Variants in RBM6 observed in about 807,000 individuals in gnomAD.
RBM6 encodes RNA-binding protein 6.
RBM6 carries 23 observed loss-of-function variants against 140.4 expected under a neutral mutation model. The observed-to-expected ratio is 0.16, with a 90% CI of 0.12 to 0.23. The LOEUF (loss-of-function observed/expected upper bound fraction) is 0.23. Among genes scored for constraint, RBM6 ranks in the 10% least tolerant of loss-of-function variants. The probability of loss-of-function intolerance (pLI) is 1.00; values close to 1 mark genes in which losing one functional copy is unlikely to be tolerated. For missense variants in RBM6, 1,139 were observed against 1,386.7 expected (o/e 0.82, Z 2.84); for synonymous variants, 439 against 475.6 (o/e 0.92, Z 1.00).
At chr3:50,048,129 A>G (rs113583569) in intron 6 of RBM6, 116 bp from the exon 7 acceptor site, 7 of 1,486,108 alleles carry the variant, frequency 4.7e-6, no homozygotes, top group Non-Finnish European at 6.3e-6. Flanking sequence ...CAGTGAATTA[A>G]GCTCACTCTT....
chr3:50,043,511 C>G (rs2089044611), intron 6 of RBM6, among the ~76,000 whole-genome samples: 3 of 150,014 alleles, frequency 2.0e-5, no homozygotes, highest in Admixed American at 6.6e-5. Context: ...AGAGATCTAT[C>G]TCTCTTCTTT....
rs759710746 is a variant in RBM6 at position 49,968,556 on chromosome 3, G to A, written c.1131G>A (p.Glu377=). ...QDKSQLSGRE[E]QSSDAGLFKE... ...AGTCACAGCTTTCTGGACGTGAAGA[G>A]CAGAGTTCAGATGCTGGTCTGTTTA... is the stretch of plus-strand genomic sequence containing the variant. The change falls in exon 3 of 21, where the codon GAG becomes GAA. Residue 377 remains glutamate (E), a synonymous_variant. Coordinates refer to ENST00000266022, the MANE Select transcript of RBM6 (RefSeq NM_005777.3). 3.7e-6 allele frequency: 6 copies of A among 1,614,176 alleles called. No homozygotes were observed. Among genetic ancestry groups the A allele is most frequent in the South Asian group, 1.1e-5 (1 of 91,086 alleles).
intron 5 of RBM6, among the ~76,000 whole-genome samples, chr3:49,983,813 G>A (rs1317563651): frequency 6.6e-6 from 1 of 152,082 alleles, no homozygotes; most frequent in Non-Finnish European, 1.5e-5. Flanking sequence ...GTTTAGGAAG[G>A]CAGGAGACAC....
chr3:50,005,333 A>T (rs2086523513), intron 6 of RBM6, among the ~76,000 whole-genome samples: 1 of 152,052 alleles, frequency 6.6e-6, no homozygotes, highest in African/African-American at 2.4e-5. Flanking sequence ...TCATCTCTAC[A>T]AAACATTGTT....
chr3:49,950,092 C>T (rs1264796415), intron 1 of RBM6, among the ~76,000 whole-genome samples: 1 of 152,070 alleles, frequency 6.6e-6, no homozygotes, highest in Non-Finnish European at 1.5e-5. Context: ...AATTCCAGTT[C>T]TTGAGTGCAT....
intron 6 of RBM6, among the ~76,000 whole-genome samples, chr3:50,021,749 T>G: frequency 1.7e-5 from 2 of 117,570 alleles, no homozygotes; most frequent in African/African-American, 6.7e-5. Context: ...GCTTTTTTTT[T>G]TTTTTTTTTT....
intron 6 of RBM6, among the ~76,000 whole-genome samples, chr3:50,027,975 G>T (rs577925717): frequency 6.6e-6 from 1 of 151,918 alleles, no homozygotes; most frequent in Non-Finnish European, 1.5e-5. Flanking sequence ...AGATAACCAG[G>T]TTTCAATTCT....
At chr3:50,049,362 G>A (rs1336749928) in intron 7 of RBM6, among the ~76,000 whole-genome samples, 2 of 151,814 alleles carry the variant, frequency 1.3e-5, no homozygotes, top group Admixed American at 6.6e-5. Flanking sequence ...CACCCACCTC[G>A]GCCTCCCAAA....
chr3:50,076,675 C>T (rs1413818753), intron 20 of RBM6, among the ~76,000 whole-genome samples: 3 of 151,916 alleles, frequency 2.0e-5, no homozygotes, highest in Non-Finnish European at 4.4e-5. Context: ...CACTTGAGGC[C>T]AGGAGTTCGA....
chr3:50,003,880 C>T (rs6765484), intron 6 of RBM6, among the ~76,000 whole-genome samples: 81,243 of 152,092 alleles, frequency 0.53, 22,351 homozygotes, highest in East Asian at 0.86. Context: ...CAGAGCCTTT[C>T]GTTCCACCCT....
chr3:50,070,568 T>G lies in RBM6; in HGVS notation c.3116+16T>G. On this transcript the variant is annotated intron_variant, in intron 19 of 20. Transcript: ENST00000266022. ...AAACTGACAGGTAAGCCAGGAACTCTTCATTCAGCCTAGGCCTCAAGCCTA... is the reference window on the plus strand; with the variant it reads ...AAACTGACAGGTAAGCCAGGAACTCGTCATTCAGCCTAGGCCTCAAGCCTA... The G allele has an allele frequency of 4.4e-6, 7 of 1,583,606 alleles. No individual in the cohort carries two copies. Among genetic ancestry groups the G allele is most frequent in the Non-Finnish European group, 6.1e-6 (7 of 1,152,570 alleles).
chr3:50,024,719 TG>T (rs1559600066), intron 6 of RBM6, among the ~76,000 whole-genome samples: 1 of 152,148 alleles, frequency 6.6e-6, no homozygotes, highest in Non-Finnish European at 1.5e-5. Context: ...TTTGGGAGGC[TG>T]AAGCGTGCAG....
At chr3:50,012,307 C>T (rs911403082) in intron 6 of RBM6, among the ~76,000 whole-genome samples, 7 of 152,028 alleles carry the variant, frequency 4.6e-5, no homozygotes, top group Non-Finnish European at 8.8e-5. Context: ...CTTGGTTTCC[C>T]GAAGTGCTGG....
intron 5 of RBM6, among the ~76,000 whole-genome samples, chr3:49,975,857 A>G (rs2085041273): frequency 6.6e-6 from 1 of 152,252 alleles, no homozygotes; most frequent in South Asian, 2.1e-4. Flanking sequence ...GTCCTGTTAC[A>G]GTTATTTTGT....
At chr3:49,983,699 C>T (rs552359994) in intron 5 of RBM6, among the ~76,000 whole-genome samples, 1 of 152,102 alleles carries the variant, frequency 6.6e-6, no homozygotes, top group Non-Finnish European at 1.5e-5. Context: ...TTGTTTTTAA[C>T]CAGGAGTCCT....
intron 1 of RBM6, among the ~76,000 whole-genome samples, chr3:49,953,391 TG>T (rs2083828058): frequency 6.6e-6 from 1 of 151,724 alleles, no homozygotes; most frequent in African/African-American, 2.4e-5. Flanking sequence ...AGCTAATTTT[TG>T]TATTCTGAGT....
rs1359015124 is a variant in RBM6, at chr3:49,964,794, T to C, written c.44+2109T>C. ...CGTGGTTTAGGTAAGCATTCAGAAA[T>C]GTTAGGTTAATTTAGCTTTATTGTC... On this transcript the variant is annotated intron_variant, in intron 2 of 20. Coordinates refer to ENST00000266022, the MANE Select transcript of RBM6 (RefSeq NM_005777.3). 5.3e-5 allele frequency among the ~76,000 whole-genome samples: 8 copies of C among 152,358 alleles called. No homozygotes were observed. The South Asian group carries it at 1.7e-3, about 32-fold the overall frequency.
chr3:50,020,905 G>A (rs1331395682), intron 6 of RBM6, among the ~76,000 whole-genome samples: 1 of 152,118 alleles, frequency 6.6e-6, no homozygotes, highest in Non-Finnish European at 1.5e-5. Flanking sequence ...TCATTATACA[G>A]CATCTGACCA....
At chr3:50,069,875 C>T (rs1366803110) in intron 18 of RBM6, among the ~76,000 whole-genome samples, 12 of 152,072 alleles carry the variant, frequency 7.9e-5, no homozygotes, top group Admixed American at 7.2e-4. Flanking sequence ...ATTATATGCC[C>T]GAGGGCTTGT....
Sources: gnomAD v4.1 joint callset for allele counts (sites outside exome capture counted in the v4.1 genomes callset) on GRCh38, gnomAD v4.1.1 for gene constraint, MANE v1.5 for transcripts, NCBI Gene and HGNC (gene_info 2026-07-23, HGNC 2026-07-21) for gene names.